The following ADARB1 variants were observed in gnomAD, a reference collection of about 807,000 sequenced individuals.
The protein encoded by ADARB1 is adenosine deaminase RNA specific B1.
ADARB1 carries 10 observed loss-of-function variants against 52.4 expected under a neutral mutation model. The ratio of observed to expected loss-of-function variants is 0.19; its 90% CI spans 0.12 to 0.32. ADARB1 has a LOEUF of 0.32. ADARB1 is among the 10% of genes least tolerant of loss of function. ADARB1 has a pLI of 1.00. For synonymous variants in ADARB1, 349 were observed against 371.1 expected (o/e 0.94, Z 0.68); for missense variants, 643 against 922.3 (o/e 0.70, Z 3.92).
intron 1 of ADARB1, among the ~76,000 whole-genome samples, chr21:45,108,997 G>T (rs2087386049): frequency 6.6e-6 from 1 of 152,196 alleles, no homozygotes; most frequent in Non-Finnish European, 1.5e-5. Flanking sequence ...CTACTTTTGG[G>T]GCTGAATCAG....
rs933148820 is a variant in ADARB1 at position 45,224,816 on chromosome 21, TAAAC to T, written c.*2623_*2626del. 1,602 of 984,950 alleles carry T rather than the reference TAAAC, an allele frequency of 1.6e-3. 1 individual carries two copies. Among genetic ancestry groups the T allele is most frequent in the Admixed American group, 2.0e-3 (32 of 16,168 alleles). 61.0% of individuals were successfully genotyped at this position (984,950 alleles called of 1,614,324 possible). A position where few individuals can be genotyped will look rare whatever the true frequency, so the allele number is the denominator to read the frequency against. Reference sequence around the variant, plus strand: ...AGCTCATCTGTAATCAGAAAAAAAATAAACAAAATACAGAACGCTGACTCCTCCG... The same window carrying T: ...AGCTCATCTGTAATCAGAAAAAAAATAAAATACAGAACGCTGACTCCTCCG... On this transcript the variant is annotated 3_prime_UTR_variant, in exon 11 of 11. Transcript: ENST00000348831.
At chr21:45,097,858 T>C (rs950993525) in intron 1 of ADARB1, among the ~76,000 whole-genome samples, 1 of 152,316 alleles carries the variant, frequency 6.6e-6, no homozygotes, top group Admixed American at 6.5e-5. Flanking sequence ...CTGAGCTCCA[T>C]GTGGTCCTCT....
intron 1 of ADARB1, among the ~76,000 whole-genome samples, chr21:45,119,563 A>G (rs561725915): frequency 1.3e-5 from 2 of 152,308 alleles, no homozygotes; most frequent in South Asian, 2.1e-4. Context: ...GTTCTTTACT[A>G]TGTAAGAGTG....
intron 1 of ADARB1, among the ~76,000 whole-genome samples, chr21:45,098,847 T>G (rs2086880957): frequency 6.6e-6 from 1 of 152,198 alleles, no homozygotes; most frequent in Non-Finnish European, 1.5e-5. Flanking sequence ...GGAGAGAGAC[T>G]TCTCTGGCAT....
At position 45,221,994 on chromosome 21, in the gene ADARB1, A is replaced by G; in HGVS notation, c.1927-24A>G. 2 of 1,609,332 alleles carry G rather than the reference A, an allele frequency of 1.2e-6. No homozygotes were observed. The highest frequency in any genetic ancestry group is 1.7e-6 in the Non-Finnish European group (2 of 1,176,430). On this transcript the variant is annotated intron_variant, in intron 10 of 10. Transcript: ENST00000348831. This position sits in a 1 kb window ranked among gnomAD's most constrained non-coding sequence, Gnocchi z 4.9. ...CATCTGTTACAGCGTCAACAGTTGC[A>G]TTTGTTTTTTTATCCCTTCACAGGT...
At chr21:45,110,725 T>C (rs2087495047) in intron 1 of ADARB1, among the ~76,000 whole-genome samples, 1 of 152,192 alleles carries the variant, frequency 6.6e-6, no homozygotes, top group African/African-American at 2.4e-5. Context: ...TTTGATTGGG[T>C]AATTAGTTTT....
chr21:45,135,581 TAGAC>T (rs1369112095), intron 2 of ADARB1, among the ~76,000 whole-genome samples: 1 of 152,188 alleles, frequency 6.6e-6, no homozygotes, highest in Non-Finnish European at 1.5e-5. Context: ...GAGCGGTAGA[TAGAC>T]AGAGTAGCCC....
chr21:45,158,437 G>C (rs1368142105), intron 2 of ADARB1, among the ~76,000 whole-genome samples: 1 of 152,194 alleles, frequency 6.6e-6, no homozygotes, highest in African/African-American at 2.4e-5. Flanking sequence ...AATTTGTTAG[G>C]TGTAAAATAT....
intron 1 of ADARB1, among the ~76,000 whole-genome samples, chr21:45,097,130 TC>T (rs946737053): frequency 1.6e-4 from 24 of 152,248 alleles, no homozygotes; most frequent in Middle Eastern, 3.2e-3. Flanking sequence ...GTAGTTCCCC[TC>T]CTTCCTCAGC....
intron 2 of ADARB1, among the ~76,000 whole-genome samples, chr21:45,169,893 C>T (rs1259045781): frequency 2.0e-5 from 3 of 152,218 alleles, no homozygotes; most frequent in Non-Finnish European, 4.4e-5. Flanking sequence ...AGCATGTCCT[C>T]ATTTTTTGGC....
chr21:45,091,821 GT>G (rs1462994488), intron 1 of ADARB1, among the ~76,000 whole-genome samples: 6 of 152,206 alleles, frequency 3.9e-5, no homozygotes, highest in Non-Finnish European at 7.4e-5. Flanking sequence ...GAGTTTAACC[GT>G]GGGCTAGGCT....
chr21:45,176,163 C>T lies in ADARB1; in HGVS notation c.462C>T (p.Ala154=), dbSNP rs749313807. 1.4e-5 allele frequency: 22 copies of T among 1,614,108 alleles called. No homozygotes were observed. Among genetic ancestry groups the T allele is most frequent in the Non-Finnish European group, 1.9e-5 (22 of 1,180,046 alleles). The part of the protein sequence containing the change: ...QFPNASEAHL[A]MGRTLSVNTD... Reference sequence around the variant, plus strand: ...CTAATGCCTCTGAGGCCCACCTGGCCATGGGGAGGACCCTGTCTGTCAACA... The same window carrying T: ...CTAATGCCTCTGAGGCCCACCTGGCTATGGGGAGGACCCTGTCTGTCAACA... The change falls in exon 4 of 11, where the codon GCC becomes GCT. Residue 154 remains alanine (A), a synonymous_variant. Coordinates refer to ENST00000348831, the MANE Select transcript of ADARB1 (RefSeq NM_001112.4). This position sits in a 1 kb window ranked among gnomAD's most constrained non-coding sequence, Gnocchi z 5.8.
At chr21:45,137,979 C>G (rs1014170431) in intron 2 of ADARB1, among the ~76,000 whole-genome samples, 2 of 152,172 alleles carry the variant, frequency 1.3e-5, no homozygotes, top group African/African-American at 4.8e-5. Context: ...ATTTCAATTT[C>G]TATGGGAGTG....
Position 45,142,445 on chromosome 21 carries a change from G to A in ADARB1, c.-48+13872G>A, listed in dbSNP as rs1350153274. Among the ~76,000 whole-genome samples, 1 of 152,246 alleles carries A rather than the reference G, an allele frequency of 6.6e-6. No individual in the cohort carries two copies. Among genetic ancestry groups the A allele is most frequent in the East Asian group, 1.9e-4 (1 of 5,204 alleles). ...TGAAACCATTCTCATTCAGAAAACAGAAATGTGTTTATGTAAAGAAATATG... is the reference window on the plus strand; with the variant it reads ...TGAAACCATTCTCATTCAGAAAACAAAAATGTGTTTATGTAAAGAAATATG... On this transcript the variant is annotated intron_variant, in intron 2 of 10. Coordinates refer to ENST00000348831, the MANE Select transcript of ADARB1 (RefSeq NM_001112.4). The surrounding 1 kb of genome is among the most constrained non-coding windows in gnomAD (Gnocchi z 4.0).
intron 1 of ADARB1, among the ~76,000 whole-genome samples, chr21:45,107,194 AAAC>A (rs773061410): frequency 6.6e-6 from 1 of 152,242 alleles, no homozygotes; most frequent in Non-Finnish European, 1.5e-5. Context: ...TAAGTGAAGA[AAAC>A]AATAAGTTGA....
chr21:45,173,749 T>C (rs898167913), intron 3 of ADARB1, among the ~76,000 whole-genome samples: 3 of 151,554 alleles, frequency 2.0e-5, no homozygotes, highest in Admixed American at 6.6e-5. Flanking sequence ...TTGTTCCCTT[T>C]GAGCACCGAA....
At chr21:45,100,875 A>G (rs995732151) in intron 1 of ADARB1, 1 of 152,588 alleles carries the variant, frequency 6.6e-6, no homozygotes, top group African/African-American at 2.4e-5. Flanking sequence ...GGTTTGGGGT[A>G]TGGGCCGCAG....
At chr21:45,124,789 G>GTGTA (rs2088469593) in intron 1 of ADARB1, among the ~76,000 whole-genome samples, 108 of 123,480 alleles carry the variant, frequency 8.7e-4, no homozygotes, top group South Asian at 3.0e-3. Flanking sequence ...GTGTGTGTAT[G>GTGTA]TGTGTGTGTG....
At chr21:45,187,518 T>C (rs1158861453) in intron 8 of ADARB1, among the ~76,000 whole-genome samples, 1 of 152,248 alleles carries the variant, frequency 6.6e-6, no homozygotes, top group Admixed American at 6.5e-5. Flanking sequence ...CATGCCTACT[T>C]ACTGTGGCTA....
Sources: gnomAD v4.1 joint callset for allele counts (sites outside exome capture counted in the v4.1 genomes callset) on GRCh38, gnomAD v4.1.1 for gene constraint, Gnocchi (gnomAD v3.1) non-coding constraint, MANE v1.5 for transcripts, NCBI Gene and HGNC (gene_info 2026-07-23, HGNC 2026-07-21) for gene names.